DENND6A: variants seen among roughly 807,000 people sequenced by gnomAD.
The protein encoded by DENND6A is DENN domain containing 6A.
Under a neutral mutation model 95.5 loss-of-function variants are expected in DENND6A, and 43 were observed. That is an observed-to-expected ratio of 0.45 (90% CI 0.35 to 0.58). DENND6A has a LOEUF of 0.58. Among genes scored for constraint, DENND6A ranks in the 20% least tolerant of loss-of-function variants. The pLI is 0.00. For missense variants in DENND6A, 574 were observed against 736.0 expected, an observed-to-expected ratio of 0.78 and a Z score of 2.55; for synonymous variants, 257 against 260.4, an observed-to-expected ratio of 0.99 and a Z score of 0.13.
At chr3:57,661,168 A>G (rs552962936) in intron 6 of DENND6A, among the ~76,000 whole-genome samples, 32 of 152,364 alleles carry the variant, frequency 2.1e-4, no homozygotes, top group Non-Finnish European at 4.0e-4. Flanking sequence ...GGATTTTTCA[A>G]TAGTACTCTG....
intron 1 of DENND6A, among the ~76,000 whole-genome samples, chr3:57,688,019 A>C (rs962963698): frequency 1.3e-5 from 2 of 150,886 alleles, no homozygotes; most frequent in Non-Finnish European, 3.0e-5. Context: ...TTTTTGAGAC[A>C]AAGTCTTACT....
At chr3:57,667,580 A>C (rs1218438321) in intron 3 of DENND6A, among the ~76,000 whole-genome samples, 1 of 152,062 alleles carries the variant, frequency 6.6e-6, no homozygotes, top group Non-Finnish European at 1.5e-5. Flanking sequence ...TTATATAGTC[A>C]CTCTCTCTGT....
At chr3:57,680,601 C>G (rs987139545) in intron 1 of DENND6A, among the ~76,000 whole-genome samples, 1 of 152,144 alleles carries the variant, frequency 6.6e-6, no homozygotes, top group Non-Finnish European at 1.5e-5. Context: ...ATAAGCTGCC[C>G]AGTTTGTGGT....
intron 12 of DENND6A, 23 bp downstream of exon 12, chr3:57,641,630 A>G: frequency 2.5e-6 from 4 of 1,592,932 alleles, no homozygotes; most frequent in Non-Finnish European, 3.4e-6. Context: ...CACTAGAAAC[A>G]GAACACCAAG....
intron 12 of DENND6A, among the ~76,000 whole-genome samples, chr3:57,635,827 T>C (rs765549083): frequency 1.3e-5 from 2 of 152,184 alleles, no homozygotes; most frequent in Non-Finnish European, 2.9e-5. Flanking sequence ...TATTCACTTA[T>C]ACATGATTTT....
At chr3:57,688,469 C>A (rs1037831727) in intron 1 of DENND6A, among the ~76,000 whole-genome samples, 1 of 152,008 alleles carries the variant, frequency 6.6e-6, no homozygotes, top group Admixed American at 6.6e-5. Flanking sequence ...TGTCTCCTAA[C>A]CACAAGTGAA....
chr3:57,679,280 G>T (rs2077137994), intron 1 of DENND6A, among the ~76,000 whole-genome samples: 1 of 152,114 alleles, frequency 6.6e-6, no homozygotes. Flanking sequence ...TAGCTTTTAG[G>T]AAACACAGTT....
chr3:57,634,448 AAAAG>A (rs981153603), intron 14 of DENND6A, 106 bp downstream of exon 14: 8 of 565,740 alleles, frequency 1.4e-5, no homozygotes, highest in African/African-American at 1.4e-4. Context: ...AAAAAAAAAA[AAAAG>A]GAGAGATCCT....
chr3:57,648,754 C>T (rs2071132079), intron 9 of DENND6A, among the ~76,000 whole-genome samples: 1 of 152,054 alleles, frequency 6.6e-6, no homozygotes, highest in Admixed American at 6.6e-5. Flanking sequence ...CAAACAAAAA[C>T]ATAAAGTGGG....
At chr3:57,634,006 T>A (rs1236668944) in intron 14 of DENND6A, among the ~76,000 whole-genome samples, 1 of 152,160 alleles carries the variant, frequency 6.6e-6, no homozygotes, top group South Asian at 2.1e-4. Context: ...GCTATCATGG[T>A]AGAATCTATG....
intron 1 of DENND6A, among the ~76,000 whole-genome samples, chr3:57,687,825 A>G (rs2077224811): frequency 6.6e-6 from 1 of 151,754 alleles, no homozygotes; most frequent in Non-Finnish European, 1.5e-5. Context: ...ATCAGCTACC[A>G]GGGAAGCTGA....
intron 11 of DENND6A, among the ~76,000 whole-genome samples, chr3:57,644,701 G>GGAAAGACAGAAAGAAAAGGAAA (rs2071030831): frequency 1.4e-5 from 1 of 69,186 alleles, no homozygotes; most frequent in Non-Finnish European, 2.9e-5. Context: ...GAGGGGAGGG[G>GGAAAGACAGAAAGAAAAGGAAA]AGGGGAGGGG....
Position 57,668,769 on chromosome 3 carries a change from A to G in DENND6A, c.320-2534T>C, listed in dbSNP as rs1222235820. 2.0e-5 allele frequency among the ~76,000 whole-genome samples: 3 copies of G among 152,308 alleles called. No homozygotes were observed. In the East Asian group the frequency reaches 5.8e-4, roughly 29 times the overall value. On this transcript the variant is annotated intron_variant, in intron 3 of 19. Transcript: ENST00000311128. ...GGTATACAATGGAAATAAAGGCTTG[A>G]TTTATGTCTCTTTCCTAAAGACTGC... is the stretch of plus-strand genomic sequence containing the variant.
intron 4 of DENND6A, chr3:57,665,916 C>T: frequency 2.2e-6 from 1 of 450,632 alleles, no homozygotes; most frequent in East Asian, 3.6e-5. Flanking sequence ...ATCACAGTGA[C>T]ATTATGTTTC....
At chr3:57,643,882 G>A (rs2071006230) in intron 11 of DENND6A, among the ~76,000 whole-genome samples, 1 of 151,360 alleles carries the variant, frequency 6.6e-6, no homozygotes, top group Admixed American at 6.6e-5. Flanking sequence ...AGGCGTGGTG[G>A]CTCATGCCTG....
Position 57,672,970 on chromosome 3 carries a change from C to T in DENND6A, c.238-532G>A, listed in dbSNP as rs572257199. On this transcript the variant is annotated intron_variant, in intron 1 of 19. Coordinates refer to ENST00000311128, the MANE Select transcript of DENND6A (RefSeq NM_152678.3). ...TCCAGGCCAGGCATATTGGCTCACA[C>T]CTGTAATCTCAGCACTTTGGGAGGC... Among the ~76,000 whole-genome samples the T allele has an allele frequency of 5.3e-5, 8 of 151,890 alleles. 1 individual carries two copies. The South Asian group carries it at 1.7e-3, about 32-fold the overall frequency.
intron 1 of DENND6A, among the ~76,000 whole-genome samples, chr3:57,688,683 CA>C (rs11406696): frequency 8.1e-4 from 122 of 150,114 alleles, no homozygotes; most frequent in African/African-American, 3.0e-3. Context: ...AGACCAAAGA[CA>C]AAAAAAAACA....
In DENND6A at chr3:57,664,758, A is replaced by G. The variant is rs1482237129; in HGVS notation, c.433-1042T>C. Reference sequence around the variant, plus strand: ...TGAGGCAGGAGAATCGCTTGAACCCAGGAGGCAGAGGTTGCAGTGAGCTGA... The same window carrying G: ...TGAGGCAGGAGAATCGCTTGAACCCGGGAGGCAGAGGTTGCAGTGAGCTGA... On this transcript the variant is annotated intron_variant, in intron 4 of 19. Transcript: ENST00000311128. Among the ~76,000 whole-genome samples, 5 of 152,272 alleles carry G rather than the reference A, an allele frequency of 3.3e-5. No individual in the cohort carries two copies. In the East Asian group the frequency reaches 7.7e-4, roughly 24 times the overall value.
At chr3:57,630,636 A>G (rs1176482289) in intron 17 of DENND6A, 79 bp downstream of exon 17, 7 of 1,543,090 alleles carry the variant, frequency 4.5e-6, no homozygotes, top group Admixed American at 2.2e-5. Context: ...TTTAAAAAGA[A>G]TAAGCTTAAG....
Sources: allele counts gnomAD v4.1 joint callset (sites outside exome capture counted in the v4.1 genomes callset), GRCh38; gene constraint gnomAD v4.1.1; transcripts MANE v1.5; gene names NCBI Gene and HGNC (gene_info 2026-07-23, HGNC 2026-07-21).